Variants in PPP1R12B observed in about 807,000 individuals in gnomAD.
The protein encoded by PPP1R12B is protein phosphatase 1 regulatory subunit 12B.
In PPP1R12B, 76 loss-of-function variants were observed where a neutral mutation model predicts 126.1. The ratio of observed to expected loss-of-function variants is 0.60; its 90% CI spans 0.50 to 0.73. PPP1R12B has a LOEUF of 0.73. PPP1R12B is among the 30% of genes least tolerant of loss of function. PPP1R12B has a pLI of 0.00. For missense variants in PPP1R12B, 1,052 were observed against 1,205.1 expected (o/e 0.87, Z 1.88); for synonymous variants, 356 against 434.7 (o/e 0.82, Z 2.25).
intron 13 of PPP1R12B, among the ~76,000 whole-genome samples, chr1:202,482,265 G>A (rs548790224): frequency 6.6e-6 from 1 of 152,246 alleles, no homozygotes; most frequent in South Asian, 2.1e-4. Flanking sequence ...TAGTGGGATT[G>A]CTGAATCATA....
At chr1:202,396,406 A>G (rs1664986434) in intron 1 of PPP1R12B, among the ~76,000 whole-genome samples, 1 of 152,190 alleles carries the variant, frequency 6.6e-6, no homozygotes, top group Non-Finnish European at 1.5e-5. Flanking sequence ...ATGAATATTA[A>G]TTCACTGACA....
intron 18 of PPP1R12B, among the ~76,000 whole-genome samples, chr1:202,513,742 A>C (rs1681800801): frequency 6.6e-6 from 1 of 152,208 alleles, no homozygotes; most frequent in South Asian, 2.1e-4. Flanking sequence ...AGCAAAGGCA[A>C]GCAAAAGGAG....
intron 13 of PPP1R12B, among the ~76,000 whole-genome samples, chr1:202,453,227 A>G (rs1026483992): frequency 8.5e-5 from 13 of 152,144 alleles, no homozygotes; most frequent in African/African-American, 2.7e-4. Context: ...TTCAGCATCA[A>G]TTGAAATGAT....
intron 18 of PPP1R12B, among the ~76,000 whole-genome samples, chr1:202,516,224 T>C (rs192658884): frequency 2.6e-5 from 4 of 152,058 alleles, no homozygotes; most frequent in Non-Finnish European, 5.9e-5. Context: ...CTGGTCATAG[T>C]GATGAAGAAG....
intron 2 of PPP1R12B, among the ~76,000 whole-genome samples, chr1:202,418,766 C>T (rs1011299489): frequency 9.2e-5 from 14 of 151,802 alleles, no homozygotes; most frequent in Admixed American, 2.6e-4. Context: ...TTTGACTTTA[C>T]TGTCATCTAT....
chr1:202,564,051 C>A (rs1371730780), intron 20 of PPP1R12B, among the ~76,000 whole-genome samples: 1 of 152,148 alleles, frequency 6.6e-6, no homozygotes, highest in Non-Finnish European at 1.5e-5. Context: ...CAGAGCAAGA[C>A]CCTGTCTCCA....
chr1:202,446,246 A>T (rs1189831758), intron 12 of PPP1R12B, among the ~76,000 whole-genome samples: 22 of 52,344 alleles, frequency 4.2e-4, no homozygotes, highest in African/African-American at 1.5e-3. Context: ...CTATATATAT[A>T]TATATATATA....
At chr1:202,428,722 G>A in intron 5 of PPP1R12B, 133 bp from the exon 6 acceptor site, 1 of 700,442 alleles carries the variant, frequency 1.4e-6, no homozygotes, top group Non-Finnish European at 2.4e-6. Context: ...ATAATGTATG[G>A]TAGATTAGTT....
In PPP1R12B at chr1:202,424,032, C is replaced by T. The variant is rs547771464; in HGVS notation, c.541+1294C>T. ...ATTTTATGCTTAGCTTAACCTCCAG[C>T]CTCAATCAGTTTTATCTCCTAAGAT... On this transcript the variant is annotated intron_variant, in intron 3 of 23. Transcript: ENST00000608999. Among the ~76,000 whole-genome samples the T allele has an allele frequency of 2.6e-5, 4 of 152,290 alleles. No individual in the cohort carries two copies. The South Asian group carries it at 6.2e-4, about 24-fold the overall frequency.
At chr1:202,365,291 TA>T (rs1049021785) in intron 1 of PPP1R12B, among the ~76,000 whole-genome samples, 31 of 145,444 alleles carry the variant, frequency 2.1e-4, no homozygotes, top group East Asian at 2.0e-4. Context: ...ATCCTAAGTC[TA>T]AAAAAAAAAG....
At chr1:202,404,763 A>C (rs1408436127) in intron 1 of PPP1R12B, among the ~76,000 whole-genome samples, 1 of 152,166 alleles carries the variant, frequency 6.6e-6, no homozygotes, top group East Asian at 1.9e-4. Context: ...GGCCTCCCGG[A>C]GTGCTGGGAT....
chr1:202,458,150 T>C (rs1256015360), intron 13 of PPP1R12B, among the ~76,000 whole-genome samples: 2 of 150,164 alleles, frequency 1.3e-5, no homozygotes, highest in Non-Finnish European at 3.0e-5. Flanking sequence ...CCAAGACTGG[T>C]ATTCCACTGG....
intron 1 of PPP1R12B, among the ~76,000 whole-genome samples, chr1:202,389,292 A>C (rs1663686109): frequency 6.6e-6 from 1 of 152,206 alleles, no homozygotes; most frequent in South Asian, 2.1e-4. Flanking sequence ...GACCAGGAAA[A>C]AGATTTTGTG....
chr1:202,369,095 C>A (rs552479568), intron 1 of PPP1R12B, among the ~76,000 whole-genome samples: 1 of 152,308 alleles, frequency 6.6e-6, no homozygotes, highest in Non-Finnish European at 1.5e-5. Context: ...GACATTGTTA[C>A]CTTATCTTTA....
At position 202,588,691 on chromosome 1, in the gene PPP1R12B, C is replaced by CACAT. The variant is rs1689968233; in HGVS notation, c.*8133_*8136dup. The CACAT allele has an allele frequency of 6.6e-6, 1 of 152,020 alleles. No individual in the cohort carries two copies. The highest frequency in any genetic ancestry group is 2.4e-5 in the African/African-American group (1 of 41,378). The allele number at this position is 152,020 out of a possible 1,614,324, so 9.4% of individuals were successfully genotyped here. On this transcript the variant is annotated 3_prime_UTR_variant, in exon 24 of 24. Coordinates refer to ENST00000608999, the MANE Select transcript of PPP1R12B (RefSeq NM_002481.4). ...CCACCAGCCTCCTACAACTCCTGTC[C>CACAT]ACATAGAGGCCCCTTCCCCAGGGAC... is the stretch of plus-strand genomic sequence containing the variant.
chr1:202,465,181 G>A (rs1674819263), intron 13 of PPP1R12B, among the ~76,000 whole-genome samples: 1 of 152,166 alleles, frequency 6.6e-6, no homozygotes, highest in Non-Finnish European at 1.5e-5. Flanking sequence ...TAAGGAATCT[G>A]TCCACAGTCA....
intron 13 of PPP1R12B, among the ~76,000 whole-genome samples, chr1:202,460,826 CT>C (rs1220112425): frequency 2.0e-5 from 3 of 152,130 alleles, no homozygotes; most frequent in Admixed American, 1.3e-4. Context: ...AAAGGTGATT[CT>C]TTTAGTGCTT....
In PPP1R12B at chr1:202,419,601, A is replaced by C. The variant is rs1283276209; in HGVS notation, c.422+2684A>C. Among the ~76,000 whole-genome samples, 1 of 152,200 alleles carries C rather than the reference A, an allele frequency of 6.6e-6. No homozygotes were observed. The highest frequency in any genetic ancestry group is 1.5e-5 in the Non-Finnish European group (1 of 68,034). The stretch of plus-strand genomic sequence containing the variant: ...CTTGATTGTAGAACATGGGAAAAGC[A>C]GGGTCCTGTATACCCAAGTGACATT... On this transcript the variant is annotated intron_variant, in intron 2 of 23. Transcript: ENST00000608999. This position sits in a 1 kb window ranked among gnomAD's most constrained non-coding sequence, Gnocchi z 4.6.
chr1:202,512,748 T>C (rs1242637336), intron 18 of PPP1R12B, among the ~76,000 whole-genome samples: 1 of 152,156 alleles, frequency 6.6e-6, no homozygotes, highest in Non-Finnish European at 1.5e-5. Context: ...ATACATGGTA[T>C]TTTCATTCTC....
Sources: gnomAD v4.1 joint callset for allele counts (sites outside exome capture counted in the v4.1 genomes callset) on GRCh38, gnomAD v4.1.1 for gene constraint, Gnocchi (gnomAD v3.1) non-coding constraint, MANE v1.5 for transcripts, NCBI Gene and HGNC (gene_info 2026-07-23, HGNC 2026-07-21) for gene names.